Variants in PDE1C observed in about 807,000 individuals in gnomAD.
PDE1C encodes phosphodiesterase 1C.
Under a neutral mutation model 93.1 loss-of-function variants are expected in PDE1C, and 62 were observed. That is an observed-to-expected ratio of 0.67 (90% CI 0.54 to 0.82). The LOEUF (loss-of-function observed/expected upper bound fraction) is 0.82, where lower values mean the gene tolerates loss of function less well. PDE1C is among the 40% of genes least tolerant of loss of function. The probability of loss-of-function intolerance (pLI) is 0.00; values close to 1 mark genes in which losing one functional copy is unlikely to be tolerated. For synonymous variants in PDE1C, 325 were observed against 310.1 expected (o/e 1.05, Z -0.50); for missense variants, 742 against 884.6 (o/e 0.84, Z 2.04).
At chr7:31,726,311 G>C in the PDE1C span, among the ~76,000 whole-genome samples, 3 of 152,042 alleles carry the variant, frequency 2.0e-5, no homozygotes, top group Admixed American at 6.6e-5. Flanking sequence ...TCATACACTG[G>C]CCTCCCAAAG....
chr7:32,195,288 T>G (rs1316867663), intron 2 of PDE1C, among the ~76,000 whole-genome samples: 2 of 152,228 alleles, frequency 1.3e-5, no homozygotes, highest in Non-Finnish European at 2.9e-5. Flanking sequence ...AGAACTTTCT[T>G]TAGATATTCT....
chr7:31,789,414 A>G (rs1784340710), intron 16 of PDE1C: 1 of 153,214 alleles, frequency 6.5e-6, no homozygotes, highest in South Asian at 2.1e-4. Flanking sequence ...GTGATGAAAT[A>G]AAACCACAGA....
At chr7:32,054,979 G>A (rs1471884634) in intron 1 of PDE1C, among the ~76,000 whole-genome samples, 1 of 151,988 alleles carries the variant, frequency 6.6e-6, no homozygotes, top group East Asian at 1.9e-4. Flanking sequence ...CCCCAAACTG[G>A]GTAACACTCC....
At chr7:31,931,304 GT>G (rs2128981065) in intron 2 of PDE1C, among the ~76,000 whole-genome samples, 1 of 152,302 alleles carries the variant, frequency 6.6e-6, no homozygotes, top group Admixed American at 6.5e-5. Flanking sequence ...AATTGTCTCT[GT>G]TTGCAGATGA....
intron 17 of PDE1C, among the ~76,000 whole-genome samples, chr7:31,771,099 G>A (rs1022473602): frequency 3.3e-5 from 5 of 151,744 alleles, no homozygotes; most frequent in Non-Finnish European, 7.4e-5. Context: ...TCCTCCATTT[G>A]GCTGTCTGAG....
chr7:31,855,732 TA>T (rs1359169763), intron 7 of PDE1C, among the ~76,000 whole-genome samples: 1 of 84,884 alleles, frequency 1.2e-5, no homozygotes, highest in African/African-American at 4.4e-5. Flanking sequence ...AATAAAAAAA[TA>T]AAAAATAAAT....
intron 13 of PDE1C, 144 bp from the exon 14 acceptor site, chr7:31,823,392 T>C: frequency 1.6e-6 from 1 of 607,236 alleles, no homozygotes; most frequent in Non-Finnish European, 2.7e-6. Context: ...AATTATTCTA[T>C]TTTCCACATA....
At chr7:31,756,901 G>T (rs1457683844) in intron 17 of PDE1C, among the ~76,000 whole-genome samples, 1 of 152,234 alleles carries the variant, frequency 6.6e-6, no homozygotes, top group Non-Finnish European at 1.5e-5. Context: ...AAAAGCCAGT[G>T]CAGGAGCAGG....
intron 9 of PDE1C, 99 bp from the exon 10 acceptor site, chr7:31,838,070 G>A (rs1230116153): frequency 6.6e-6 from 5 of 754,356 alleles, no homozygotes; most frequent in South Asian, 1.6e-5. Flanking sequence ...ATCAGTCAAC[G>A]ATTTCTGACA....
At chr7:31,924,955 T>C (rs1330843603) in intron 2 of PDE1C, among the ~76,000 whole-genome samples, 1 of 152,110 alleles carries the variant, frequency 6.6e-6, no homozygotes, top group Admixed American at 6.6e-5. Flanking sequence ...CAATCTCAAA[T>C]ATATGGCTCA....
the PDE1C span, among the ~76,000 whole-genome samples, chr7:31,629,778 T>A: frequency 2.0e-5 from 3 of 152,126 alleles, no homozygotes; most frequent in African/African-American, 7.2e-5. Flanking sequence ...TTTCAAGTTG[T>A]CATATGAAGC....
At chr7:31,733,833 TA>T in the PDE1C span, among the ~76,000 whole-genome samples, 1 of 151,562 alleles carries the variant, frequency 6.6e-6, no homozygotes, top group African/African-American at 2.4e-5. Flanking sequence ...CTGTCTTTAC[TA>T]AAAAAAACAA....
intron 16 of PDE1C, among the ~76,000 whole-genome samples, chr7:31,793,989 CAGATAGAT>C (rs60751029): frequency 0.088 from 9,261 of 105,440 alleles, 513 homozygotes; most frequent in South Asian, 0.11. Flanking sequence ...ATAGATAAAC[CAGATAGAT>C]AGATAGATAG....
intron 1 of PDE1C, among the ~76,000 whole-genome samples, chr7:32,253,934 A>G (rs953733761): frequency 1.3e-5 from 2 of 152,170 alleles, no homozygotes; most frequent in Admixed American, 6.5e-5. Context: ...GATAAGCCTG[A>G]GAACACCATC....
intron 1 of PDE1C, among the ~76,000 whole-genome samples, chr7:32,317,122 T>G (rs1783191189): frequency 7.3e-6 from 1 of 136,344 alleles, no homozygotes; most frequent in African/African-American, 3.8e-5. Context: ...ATGCCAGGAA[T>G]GCAAGACCAC....
chr7:32,282,412 G>A (rs967269107), intron 1 of PDE1C, among the ~76,000 whole-genome samples: 35 of 147,736 alleles, frequency 2.4e-4, no homozygotes, highest in Admixed American at 5.4e-4. Context: ...GGAAGTGGAG[G>A]TTGCAGTGAG....
At chr7:32,177,552 A>C (rs189927651) in intron 2 of PDE1C, among the ~76,000 whole-genome samples, 1 of 152,170 alleles carries the variant, frequency 6.6e-6, no homozygotes, top group African/African-American at 2.4e-5. Flanking sequence ...CTGCACCCCC[A>C]ACCACCGCCC....
chr7:31,734,390 G>A, the PDE1C span, among the ~76,000 whole-genome samples: 10 of 152,248 alleles, frequency 6.6e-5, no homozygotes, highest in East Asian at 1.9e-3. Context: ...TTGGCTCCTC[G>A]TCCGAAGGTC....
chr7:31,880,937 T>C (rs1396525599), intron 2 of PDE1C, 77 bp from the exon 3 acceptor site: 3 of 910,012 alleles, frequency 3.3e-6, no homozygotes, highest in Non-Finnish European at 5.4e-6. Context: ...TGATACATTT[T>C]ACAGTCATCG....
Sources: allele counts gnomAD v4.1 joint callset (sites outside exome capture counted in the v4.1 genomes callset), GRCh38; gene constraint gnomAD v4.1.1; transcripts MANE v1.5; gene names NCBI Gene and HGNC (gene_info 2026-07-23, HGNC 2026-07-21).